The following GALNT16 variants were observed in gnomAD, a reference collection of about 807,000 sequenced individuals.
GALNT16 encodes the protein UDP-GalNAc:polypeptide N-acetylgalactosaminyltransferase-like protein 1.
A neutral mutation model predicts 76.1 loss-of-function variants in GALNT16; 40 were observed. The ratio of observed to expected loss-of-function variants is 0.53; its 90% confidence interval spans 0.41 to 0.68. GALNT16 has a LOEUF of 0.68. Ranked by LOEUF, GALNT16 falls within the 30% of genes least tolerant of loss-of-function variation. The probability of loss-of-function intolerance (pLI) is 0.00; values close to 1 mark genes in which losing one functional copy is unlikely to be tolerated. For missense variants in GALNT16, 621 were observed against 731.9 expected (o/e 0.85, Z 1.75); for synonymous variants, 276 against 285.2 (o/e 0.97, Z 0.32).
In GALNT16 at chr14:69,325,883, G is replaced by A. The variant is rs529220275; in HGVS notation, c.503-79G>A. ...AACCCTTTCCTGGGCTTAGTATGGG[G>A]CAATTTTCATGGCAGCCAAACCACT... On this transcript the variant is annotated intron_variant, in intron 4 of 14. Transcript: ENST00000448469. The A allele has an allele frequency of 9.9e-4, 1,112 of 1,124,558 alleles. 16 individuals carry two copies. The South Asian group carries it at 0.012, about 12-fold the overall frequency. 69.7% of individuals were successfully genotyped at this position (1,124,558 alleles called of 1,614,324 possible). A position where few individuals can be genotyped will look rare whatever the true frequency, so the allele number is the denominator to read the frequency against.
chr14:69,324,942 A>G, intron 3 of GALNT16, 152 bp downstream of exon 3: 1 of 579,606 alleles, frequency 1.7e-6, no homozygotes, highest in Non-Finnish European at 3.1e-6. Context: ...CAGGGCCAGG[A>G]AGACCCCAGA....
At chr14:69,283,369 G>C (rs185384018) in intron 1 of GALNT16, among the ~76,000 whole-genome samples, 3 of 152,184 alleles carry the variant, frequency 2.0e-5, no homozygotes, top group Non-Finnish European at 4.4e-5. Context: ...TCGGAGGGAG[G>C]CTGGCCAGTA....
rs2045666512 is a variant in GALNT16 at position 69,353,751 on chromosome 14, G to C, written c.*1583G>C. ...GGGAAAAAGTCCATGGCTTCTAAAA[G>C]AGGTCCCTGATCCCCAAAGGGCCTG... On this transcript the variant is annotated 3_prime_UTR_variant, in exon 15 of 15. Coordinates refer to ENST00000448469, the MANE Select transcript of GALNT16 (RefSeq NM_001168368.2). 1 of 152,184 alleles carries C rather than the reference G, an allele frequency of 6.6e-6. No individual in the cohort carries two copies. Among genetic ancestry groups the C allele is most frequent in the Non-Finnish European group, 1.5e-5 (1 of 68,042 alleles). The allele number at this position is 152,184 out of a possible 1,614,324, so 9.4% of individuals were successfully genotyped here.
chr14:69,345,278 C>T (rs1331894193), intron 12 of GALNT16, among the ~76,000 whole-genome samples: 2 of 152,196 alleles, frequency 1.3e-5, no homozygotes, highest in African/African-American at 2.4e-5. Flanking sequence ...CAGTTTGCCA[C>T]CTCTGCTAGA....
intron 1 of GALNT16, among the ~76,000 whole-genome samples, chr14:69,273,781 C>G (rs552930924): frequency 6.6e-6 from 1 of 152,248 alleles, no homozygotes; most frequent in African/African-American, 2.4e-5. Context: ...GAGCTTGGCT[C>G]TGGTCTGGGC....
chr14:69,364,097 C>T, the GALNT16 span, among the ~76,000 whole-genome samples: 1 of 152,286 alleles, frequency 6.6e-6, no homozygotes, highest in African/African-American at 2.4e-5. This position sits in a 1 kb window ranked among gnomAD's most constrained non-coding sequence, Gnocchi z 4.2. Context: ...TATAGTACCC[C>T]GTGCATGGTG....
chr14:69,305,641 G>A (rs912114643), intron 1 of GALNT16, among the ~76,000 whole-genome samples: 4 of 151,940 alleles, frequency 2.6e-5, no homozygotes, highest in African/African-American at 9.7e-5. Flanking sequence ...TTTAACTGTT[G>A]AGTTGTAGGA....
In GALNT16 at chr14:69,273,847, A is replaced by C. The variant is rs923326211; in HGVS notation, c.177+13380A>C. Among the ~76,000 whole-genome samples the C allele has an allele frequency of 1.3e-5, 2 of 152,202 alleles. 1 individual carries two copies. Among genetic ancestry groups the C allele is most frequent in the East Asian group, 3.9e-4 (2 of 5,192 alleles). On this transcript the variant is annotated intron_variant, in intron 1 of 14. Transcript: ENST00000448469. ...GAGCCGTAAACCCAAGAAGAGTAGG[A>C]ATCTGCAGGGTCTGGAAGAAATGGG...
At chr14:69,368,578 A>G in the GALNT16 span, among the ~76,000 whole-genome samples, 1 of 152,176 alleles carries the variant, frequency 6.6e-6, no homozygotes, top group Non-Finnish European at 1.5e-5. Flanking sequence ...TGGTAGTGAG[A>G]TCTCATTACT....
At chr14:69,364,149 C>T in the GALNT16 span, among the ~76,000 whole-genome samples, 149 of 152,284 alleles carry the variant, frequency 9.8e-4, no homozygotes, top group Non-Finnish European at 1.4e-3. This position sits in a 1 kb window ranked among gnomAD's most constrained non-coding sequence, Gnocchi z 4.2. Flanking sequence ...GAACAAGTGG[C>T]GATGAGTACA....
chr14:69,326,957 A>G (rs1029584899), intron 5 of GALNT16, among the ~76,000 whole-genome samples: 4 of 152,218 alleles, frequency 2.6e-5, no homozygotes, highest in African/African-American at 9.6e-5. Context: ...CCTGGTCAGC[A>G]TGGGGAATAG....
At chr14:69,322,976 GTGTGTGCGCGCGCA>G (rs1190807505) in intron 2 of GALNT16, among the ~76,000 whole-genome samples, 3,284 of 51,258 alleles carry the variant, frequency 0.064, 133 homozygotes, top group Admixed American at 0.11. Flanking sequence ...GTGTGTGTGT[GTGTGTGCGCGCGCA>G]CGCGCGCACG....
chr14:69,263,995 G>A (rs1019380010), intron 1 of GALNT16, among the ~76,000 whole-genome samples: 5 of 152,204 alleles, frequency 3.3e-5, no homozygotes, highest in South Asian at 2.1e-4. Flanking sequence ...TGACACAGCC[G>A]GCCTTGAGTC....
At chr14:69,380,577 G>A in the GALNT16 span, 53 of 1,598,156 alleles carry the variant, frequency 3.3e-5, no homozygotes, top group Non-Finnish European at 4.0e-5. Flanking sequence ...GAAGGAGCAC[G>A]TAGATCTTCT....
At chr14:69,355,160 G>C (rs2045683789), downstream of GALNT16, 1 of 152,284 alleles carries the variant, frequency 6.6e-6, no homozygotes, top group African/African-American at 2.4e-5. Flanking sequence ...CACACCACTA[G>C]CCTCTCCTGG....
At chr14:69,385,807 T>C in the GALNT16 span, among the ~76,000 whole-genome samples, 1 of 151,984 alleles carries the variant, frequency 6.6e-6, no homozygotes, top group African/African-American at 2.4e-5. Context: ...AATCCAGGGG[T>C]CAATTAAATT....
At chr14:69,320,606 C>T (rs2045165080) in intron 1 of GALNT16, 105 bp from the exon 2 acceptor site, 1 of 961,380 alleles carries the variant, frequency 1.0e-6, no homozygotes, top group South Asian at 1.6e-5. Flanking sequence ...GCGTAAGGCA[C>T]AAATGAGGCC....
chr14:69,267,481 C>T (rs186528785), intron 1 of GALNT16, among the ~76,000 whole-genome samples: 2 of 152,346 alleles, frequency 1.3e-5, no homozygotes, highest in East Asian at 3.9e-4. Context: ...AGCACAAGCT[C>T]CTCTTTCTTG....
chr14:69,339,982 C>T (rs556113678), intron 11 of GALNT16, among the ~76,000 whole-genome samples: 101 of 152,344 alleles, frequency 6.6e-4, no homozygotes, highest in African/African-American at 2.3e-3. Flanking sequence ...GCCTATTTTC[C>T]TGTCATGGAC....
Sources: allele counts gnomAD v4.1 joint callset (sites outside exome capture counted in the v4.1 genomes callset), GRCh38; gene constraint gnomAD v4.1.1; non-coding constraint Gnocchi (gnomAD v3.1); transcripts MANE v1.5; gene names NCBI Gene and HGNC (gene_info 2026-07-23, HGNC 2026-07-21).